KIF1A: variants seen among roughly 807,000 people sequenced by gnomAD.
The protein encoded by KIF1A is kinesin-like protein KIF1A.
Under a neutral mutation model 227.3 loss-of-function variants are expected in KIF1A, and 46 were observed. The observed-to-expected ratio is 0.20, with a 90% confidence interval of 0.16 to 0.26. The LOEUF (loss-of-function observed/expected upper bound fraction) is 0.26. KIF1A is among the 10% of genes least tolerant of loss of function. The pLI, the probability that KIF1A is intolerant of heterozygous loss-of-function variation, is 1.00. For missense variants in KIF1A, 1,683 were observed against 2,485.9 expected (o/e 0.68, Z 6.87); for synonymous variants, 1,022 against 1,012.8 (o/e 1.01, Z -0.17).
chr2:240,807,108 G>A lies in KIF1A; in HGVS notation c.-60-9296C>T, dbSNP rs796891004. 3.0e-3 allele frequency among the ~76,000 whole-genome samples: 288 copies of A among 95,426 alleles called. 6 individuals carry two copies. The highest frequency in any genetic ancestry group is 0.011 in the African/African-American group (214 of 20,128). 62.6% of individuals were successfully genotyped at this position (95,426 alleles called of 152,430 possible). ...TGTGTGTGTGTGTGTGTGTGTGTGT[G>A]TGTGTGTGTGTGTGTGTGTGTGTAT... On this transcript the variant is annotated intron_variant, in intron 1 of 48. Coordinates refer to ENST00000498729, the MANE Select transcript of KIF1A (RefSeq NM_001244008.2).
rs1197034486 is a variant in KIF1A, at chr2:240,787,156, C to G, written c.429+95G>C. ...GAGGGACAAGCTGGGCGTGCAGACC[C>G]GTGGTGGGCACTCACTTTGCATCAG... On this transcript the variant is annotated intron_variant, in intron 5 of 48. Coordinates refer to ENST00000498729, the MANE Select transcript of KIF1A (RefSeq NM_001244008.2). 15 of 1,016,660 alleles carry G rather than the reference C, an allele frequency of 1.5e-5. No individual in the cohort carries two copies. The South Asian group carries it at 1.9e-4, about 13-fold the overall frequency. The allele number at this position is 1,016,660 out of a possible 1,614,324, so 63.0% of individuals were successfully genotyped here.
intron 20 of KIF1A, among the ~76,000 whole-genome samples, chr2:240,764,876 A>T (rs1441598745): frequency 6.6e-6 from 1 of 151,620 alleles, no homozygotes; most frequent in African/African-American, 2.4e-5. Flanking sequence ...GATGGAGTCC[A>T]CTCCTGCCAA....
intron 34 of KIF1A, among the ~76,000 whole-genome samples, chr2:240,742,573 C>T (rs1559492795): frequency 6.6e-6 from 1 of 152,204 alleles, no homozygotes. Context: ...CTCCCACCTC[C>T]AGCCTCAGAC....
chr2:240,773,670 C>T (rs907209529), intron 12 of KIF1A, among the ~76,000 whole-genome samples: 3 of 152,196 alleles, frequency 2.0e-5, no homozygotes, highest in African/African-American at 7.2e-5. Flanking sequence ...ACGTTTCCAG[C>T]TAGTACATGA....
At chr2:240,750,584 C>T (rs1302841629) in intron 27 of KIF1A, 37 bp from the exon 28 acceptor site, 5 of 1,456,346 alleles carry the variant, frequency 3.4e-6, no homozygotes, top group Non-Finnish European at 4.8e-6. Context: ...TGGGCCACCC[C>T]TCCACGCATG....
chr2:240,746,285 C>T lies in KIF1A; in HGVS notation c.3064-108G>A, dbSNP rs566197519. 3.3e-5 allele frequency: 45 copies of T among 1,367,018 alleles called. 1 individual carries two copies. Among genetic ancestry groups the T allele is most frequent in the Middle Eastern group, 4.9e-4 (2 of 4,082 alleles). 84.7% of individuals were successfully genotyped at this position (1,367,018 alleles called of 1,614,324 possible). On this transcript the variant is annotated intron_variant, in intron 29 of 48. Coordinates refer to ENST00000498729, the MANE Select transcript of KIF1A (RefSeq NM_001244008.2). The stretch of plus-strand genomic sequence containing the variant: ...AGGGCTGTGCCACCCAGAGCCTGGG[C>T]TGGGGCCTCCATGAACCCACGCACC...
Position 240,725,645 on chromosome 2 carries a change from C to T in KIF1A, c.4123-241G>A. 2.0e-6 allele frequency: 1 copy of T among 511,564 alleles called. No homozygotes were observed. Among genetic ancestry groups the T allele is most frequent in the South Asian group, 2.7e-5 (1 of 37,112 alleles). 31.7% of individuals were successfully genotyped at this position (511,564 alleles called of 1,614,324 possible). ...CCTGGGCTGCCTGAGGGACTGGTCT[C>T]CATGTGTGGGGACCCCGAGGGTCCC... is the stretch of plus-strand genomic sequence containing the variant. On this transcript the variant is annotated intron_variant, in intron 39 of 48. Coordinates refer to ENST00000498729, the MANE Select transcript of KIF1A (RefSeq NM_001244008.2). The surrounding 1 kb of genome is among the most constrained non-coding windows in gnomAD (Gnocchi z 5.8).
rs1402187925 is a variant in KIF1A at position 240,760,810 on chromosome 2, G to A, written c.2299C>T (p.Leu767Phe). ...QFQFVLLTDTLYSPLPPDLLP... is the reference protein window; with the variant it reads ...QFQFVLLTDTFYSPLPPDLLP... ...AGGTCGGGTGGCAGAGGGGAGTAGA[G>A]TGTGTCCGTCAGGAGGACAAACTGG... The change falls in exon 25 of 49, where the codon CTC becomes TTC. Residue 767 changes from leucine (L) to phenylalanine (F), a missense_variant. Physicochemically the swap from Leu to Phe is conservative, Grantham distance 22. This residue lies in a region of KIF1A where 217 missense variants were observed against 427.0 expected (regional missense o/e 0.51). Coordinates refer to ENST00000498729, the MANE Select transcript of KIF1A (RefSeq NM_001244008.2). The A allele has an allele frequency of 6.2e-7, 1 of 1,609,012 alleles. No individual in the cohort carries two copies. Among genetic ancestry groups the A allele is most frequent in the South Asian group, 1.1e-5 (1 of 90,036 alleles).
intron 11 of KIF1A, among the ~76,000 whole-genome samples, chr2:240,774,983 C>T (rs1430324042): frequency 6.6e-6 from 1 of 152,212 alleles, no homozygotes; most frequent in African/African-American, 2.4e-5. Context: ...GCACATACCA[C>T]ACGGGCCCCA....
rs940291802 is a variant in KIF1A at position 240,762,826 on chromosome 2, G to A, written c.2023-14C>T. 1.9e-6 allele frequency: 3 copies of A among 1,573,350 alleles called. No homozygotes were observed. The Admixed American group carries it at 5.3e-5, about 28-fold the overall frequency. ...GCTCTCATAGTCCTGCAGAAAGCAAGGCCTGTGACTCCACTACGGCCCTAC... is the reference window on the plus strand; with the variant it reads ...GCTCTCATAGTCCTGCAGAAAGCAAAGCCTGTGACTCCACTACGGCCCTAC... On this transcript the variant is annotated splice_polypyrimidine_tract_variant and intron_variant, in intron 22 of 48. Transcript: ENST00000498729.
chr2:240,801,393 G>A (rs1305337688), intron 1 of KIF1A, among the ~76,000 whole-genome samples: 1 of 152,094 alleles, frequency 6.6e-6, no homozygotes, highest in African/African-American at 2.4e-5. Flanking sequence ...CACAGTTGAA[G>A]ACAGTGTTAG....
rs1379265607 is a variant in KIF1A, at chr2:240,774,312, C to A, written c.959-51G>T. On this transcript the variant is annotated intron_variant, in intron 11 of 48. Transcript: ENST00000498729. The stretch of plus-strand genomic sequence containing the variant: ...CCAGAGGGGGATCTAGGCCCCAGGG[C>A]TATGTCTGCTCCCCCCTTCCCCCCA... 5 of 1,228,438 alleles carry A rather than the reference C, an allele frequency of 4.1e-6. No homozygotes were observed. The African/African-American group carries it at 7.5e-5, about 19-fold the overall frequency. 76.1% of individuals were successfully genotyped at this position (1,228,438 alleles called of 1,614,324 possible).
At chr2:240,802,122 C>A (rs556226809) in intron 1 of KIF1A, among the ~76,000 whole-genome samples, 54 of 147,226 alleles carry the variant, frequency 3.7e-4, no homozygotes, top group South Asian at 4.3e-4. Context: ...AAGCATGTAA[C>A]CTTTAAAGGA....
At chr2:240,773,884 C>T (rs1055697840) in intron 12 of KIF1A, among the ~76,000 whole-genome samples, 4 of 152,174 alleles carry the variant, frequency 2.6e-5, no homozygotes, top group Non-Finnish European at 4.4e-5. Context: ...TTACCCCGGC[C>T]GGCAGGTGAG....
In KIF1A at chr2:240,740,546, T is replaced by A. The variant is rs1487715325; in HGVS notation, c.3750-182A>T. 1.3e-5 allele frequency among the ~76,000 whole-genome samples: 2 copies of A among 152,046 alleles called. No individual in the cohort carries two copies. The highest frequency in any genetic ancestry group is 3.9e-4 in the East Asian group (2 of 5,188). ...AGCACAGAAACCCACCAGGCCTCCT[T>A]GGCTATCACCTCCCAGCCCTGCCCA... On this transcript the variant is annotated intron_variant, in intron 35 of 48. Coordinates refer to ENST00000498729, the MANE Select transcript of KIF1A (RefSeq NM_001244008.2). This position sits in a 1 kb window ranked among gnomAD's most constrained non-coding sequence, Gnocchi z 6.1.
intron 7 of KIF1A, among the ~76,000 whole-genome samples, 172 bp downstream of exon 7, chr2:240,784,817 G>A (rs555265980): frequency 7.5e-5 from 5 of 66,964 alleles, no homozygotes; most frequent in South Asian, 3.6e-4. Context: ...CCTCTGGGGC[G>A]GGGGGGGGGA....
intron 29 of KIF1A, among the ~76,000 whole-genome samples, chr2:240,746,574 T>C (rs969658704): frequency 2.0e-5 from 3 of 152,160 alleles, no homozygotes; most frequent in Admixed American, 1.3e-4. Context: ...AGAAAAGGCA[T>C]TGGGCAGACA....
chr2:240,754,450 G>T (rs1250190015), intron 27 of KIF1A, among the ~76,000 whole-genome samples: 1 of 152,222 alleles, frequency 6.6e-6, no homozygotes, highest in Non-Finnish European at 1.5e-5. Flanking sequence ...CACTGCCCCA[G>T]TGGCAGCACC....
chr2:240,807,041 T>G, intron 1 of KIF1A, among the ~76,000 whole-genome samples: 1 of 151,284 alleles, frequency 6.6e-6, no homozygotes. Context: ...TATGAGCTGG[T>G]GTACTATTTG....
Sources: gnomAD v4.1 joint callset for allele counts (sites outside exome capture counted in the v4.1 genomes callset) on GRCh38, gnomAD v4.1.1 for gene constraint, gnomAD v4.1.1 regional missense constraint, Gnocchi (gnomAD v3.1) non-coding constraint, MANE v1.5 for transcripts, NCBI Gene and HGNC (gene_info 2026-07-23, HGNC 2026-07-21) for gene names.